The following CYP3A43 variants were observed in gnomAD, a reference collection of about 807,000 sequenced individuals.
The protein encoded by CYP3A43 is cytochrome P450 family 3 subfamily A member 43.
In CYP3A43, 45 loss-of-function variants were observed where a neutral mutation model predicts 58.0. The ratio of observed to expected loss-of-function variants is 0.78; its 90% confidence interval spans 0.61 to 0.99. The LOEUF (loss-of-function observed/expected upper bound fraction) is 0.99. Ranked by LOEUF, CYP3A43 falls within the 50% of genes least tolerant of loss-of-function variation. The pLI is 0.00. For synonymous variants in CYP3A43, 191 were observed against 201.4 expected (o/e 0.95, Z 0.44); for missense variants, 593 against 591.9 (o/e 1.00, Z -0.02).
chr7:99,862,355 C>T (rs1175052984), intron 11 of CYP3A43, among the ~76,000 whole-genome samples: 1 of 152,152 alleles, frequency 6.6e-6, no homozygotes, highest in African/African-American at 2.4e-5. Context: ...CGTAATGTAA[C>T]TGTGAAAGTG....
intron 2 of CYP3A43, among the ~76,000 whole-genome samples, chr7:99,837,249 G>A (rs948913574): frequency 3.3e-5 from 5 of 150,238 alleles, no homozygotes; most frequent in African/African-American, 1.2e-4. Context: ...AACCCGGGAG[G>A]CGGAGCTTGC....
At chr7:99,859,702 T>G (rs569847972) in intron 9 of CYP3A43, 128 bp from the exon 10 acceptor site, 2 of 1,200,644 alleles carry the variant, frequency 1.7e-6, no homozygotes, top group Non-Finnish European at 2.4e-6. Flanking sequence ...CCACCCGCAG[T>G]GTGACTCTGA....
chr7:99,829,918 A>G (rs1324123423), intron 1 of CYP3A43, among the ~76,000 whole-genome samples: 1 of 152,162 alleles, frequency 6.6e-6, no homozygotes, highest in Non-Finnish European at 1.5e-5. Context: ...TCCTCTCCAC[A>G]AGCATCAACT....
chr7:99,832,531 G>A (rs1302459006), intron 1 of CYP3A43, among the ~76,000 whole-genome samples: 1 of 130,472 alleles, frequency 7.7e-6, no homozygotes, highest in Non-Finnish European at 1.6e-5. Context: ...CACACACCGG[G>A]GACTGTTGTG....
chr7:99,842,487 C>T (rs1197497892), intron 3 of CYP3A43, among the ~76,000 whole-genome samples: 1 of 152,152 alleles, frequency 6.6e-6, no homozygotes, highest in Admixed American at 6.5e-5. Context: ...TCTATATTAA[C>T]TCTTGTACAA....
At position 99,848,183 on chromosome 7, in the gene CYP3A43, C is replaced by T. The variant is rs749780001; in HGVS notation, c.450C>T (p.Ser150=). 6 of 1,613,996 alleles carry T rather than the reference C, an allele frequency of 3.7e-6. No individual in the cohort carries two copies. Among genetic ancestry groups the T allele is most frequent in the African/African-American group, 2.7e-5 (2 of 74,920 alleles). Residue 150 remains serine, a synonymous_variant, in exon 6 of 13, where the codon TCC becomes TCT. Transcript: ENST00000354829. ...VKFKEMVPII[S]QCGDMLVRSL... is the part of the protein sequence containing the mutation. ...TGTTTTAGATGGTCCCCATCATTTCCCAATGTGGAGATATGTTGGTGAGAA... is the reference window on the plus strand; with the variant it reads ...TGTTTTAGATGGTCCCCATCATTTCTCAATGTGGAGATATGTTGGTGAGAA...
chr7:99,857,096 G>A (rs1460623444), intron 9 of CYP3A43, among the ~76,000 whole-genome samples, 197 bp downstream of exon 9: 1 of 152,180 alleles, frequency 6.6e-6, no homozygotes, highest in Non-Finnish European at 1.5e-5. Context: ...CAGGCTTGAA[G>A]GGCAACCCTG....
Position 99,861,744 on chromosome 7 carries a change from GT to G in CYP3A43, c.1160del (p.Phe387SerfsTer6). On this transcript the variant is annotated frameshift_variant, in exon 11 of 13. Transcript: ENST00000354829. LOFTEE classifies it high-confidence loss of function. Reference sequence around the variant, plus strand: ...AGAAAGATATTGAAATCAATGGAGTGTTCATTCCCAAAGGGTTAGCAGTGAT... The same window carrying G: ...AGAAAGATATTGAAATCAATGGAGTGTCATTCCCAAAGGGTTAGCAGTGAT... ...CKKDIEINGV[F>X]IPKGLAVMVP... 1 of 1,614,118 alleles carries G rather than the reference GT, an allele frequency of 6.2e-7. No individual in the cohort carries two copies. The highest frequency in any genetic ancestry group is 8.5e-7 in the Non-Finnish European group (1 of 1,180,012).
chr7:99,839,702 C>T (rs1000812314), intron 3 of CYP3A43, among the ~76,000 whole-genome samples: 3 of 152,030 alleles, frequency 2.0e-5, no homozygotes, highest in Non-Finnish European at 2.9e-5. Context: ...TCTCTCCTGC[C>T]GAGAGAGGGG....
chr7:99,857,453 T>A (rs568621955), intron 9 of CYP3A43, among the ~76,000 whole-genome samples: 1 of 152,180 alleles, frequency 6.6e-6, no homozygotes, highest in Non-Finnish European at 1.5e-5. Flanking sequence ...ATCATTACTA[T>A]GATGGTCGCA....
Position 99,857,124 on chromosome 7 carries a change from C to T in CYP3A43, c.865+225C>T, listed in dbSNP as rs113514897. Among the ~76,000 whole-genome samples, 510 of 152,230 alleles carry T rather than the reference C, an allele frequency of 3.4e-3. 4 individuals carry two copies. Among genetic ancestry groups the T allele is most frequent in the African/African-American group, 0.012 (480 of 41,530 alleles). On this transcript the variant is annotated intron_variant, in intron 9 of 12. Coordinates refer to ENST00000354829, the MANE Select transcript of CYP3A43 (RefSeq NM_057095.3). ...CAACCCTGAACAAGTGTGGCACTCC[C>T]GGAGGTCGGTCAGTGATCTGTGGAT...
In CYP3A43 at chr7:99,828,077, GA is replaced by G. The variant is rs772815209; in HGVS notation, c.-34del. ...AGCAAAGAGCAGCACACAGCTGAAA[GA>G]AAAACTCAGAAGACAGAGCTGAAAA... On this transcript the variant is annotated 5_prime_UTR_variant, in exon 1 of 13. It removes the in-frame stop codon of an upstream open reading frame in the 5' UTR. Coordinates refer to ENST00000354829, the MANE Select transcript of CYP3A43 (RefSeq NM_057095.3). The G allele has an allele frequency of 4.4e-6, 7 of 1,592,596 alleles. No individual in the cohort carries two copies. The East Asian group carries it at 1.6e-4, about 36-fold the overall frequency.
Position 99,844,180 on chromosome 7 carries a change from G to T in CYP3A43, c.256G>T (p.Asp86Tyr), listed in dbSNP as rs760774417. 3 of 1,613,892 alleles carry T rather than the reference G, an allele frequency of 1.9e-6. No homozygotes were observed. In the South Asian group the frequency reaches 3.3e-5, roughly 18 times the overall value. ...GCAACAGCCCATGCTGGTCATCATGGATCCCGACATGATCAAAACAGTGTT... is the reference window on the plus strand; with the variant it reads ...GCAACAGCCCATGCTGGTCATCATGTATCCCGACATGATCAAAACAGTGTT... ...EGQQPMLVIM[D>Y]PDMIKTVLVK... The change falls in exon 4 of 13, where the codon GAT (aspartate) becomes TAT (tyrosine). Residue 86 changes from aspartate (D) to tyrosine (Y), a missense_variant. Coordinates refer to ENST00000354829, the MANE Select transcript of CYP3A43 (RefSeq NM_057095.3).
At chr7:99,829,815 C>G (rs1816771663) in intron 1 of CYP3A43, among the ~76,000 whole-genome samples, 1 of 152,166 alleles carries the variant, frequency 6.6e-6, no homozygotes, top group Admixed American at 6.5e-5. Flanking sequence ...AAATGAGGCA[C>G]AGCTGTTTAA....
chr7:99,837,707 A>G (rs988041972), intron 2 of CYP3A43, among the ~76,000 whole-genome samples: 4 of 152,332 alleles, frequency 2.6e-5, no homozygotes, highest in Admixed American at 1.3e-4. Flanking sequence ...AATTTGACAA[A>G]CTTATTCAAA....
chr7:99,863,653 T>C lies in CYP3A43; in HGVS notation c.1370T>C (p.Ile457Thr). 1 of 1,613,562 alleles carries C rather than the reference T, an allele frequency of 6.2e-7. No individual in the cohort carries two copies. Among genetic ancestry groups the C allele is most frequent in the Non-Finnish European group, 8.5e-7 (1 of 1,179,812 alleles). ...CTCACAAACATAAAACTTGCTGTCA[T>C]TAGAGCACTGCAGAACTTCTCCTTC... Reference protein sequence around the residue: ...FALTNIKLAVIRALQNFSFKP... With the variant: ...FALTNIKLAVTRALQNFSFKP... The change falls in exon 12 of 13, where the codon ATT (isoleucine) becomes ACT (threonine). Residue 457 changes from isoleucine to threonine, a missense_variant. Physicochemically the swap from Ile to Thr is moderately conservative, Grantham distance 89. Coordinates refer to ENST00000354829, the MANE Select transcript of CYP3A43 (RefSeq NM_057095.3).
chr7:99,859,199 G>A (rs1818119031), intron 9 of CYP3A43, among the ~76,000 whole-genome samples: 1 of 152,156 alleles, frequency 6.6e-6, no homozygotes, highest in African/African-American at 2.4e-5. Flanking sequence ...TGAAAGTTCA[G>A]ATTTTGATTC....
chr7:99,844,338 T>C (rs1563063840), intron 4 of CYP3A43, 96 bp downstream of exon 4: 1 of 1,169,196 alleles, frequency 8.6e-7, no homozygotes, highest in African/African-American at 1.5e-5. Context: ...GGAAAGTGCT[T>C]TATACTTCGT....
intron 3 of CYP3A43, 126 bp downstream of exon 3, chr7:99,839,298 A>G: frequency 8.8e-7 from 1 of 1,139,476 alleles, no homozygotes; most frequent in South Asian, 1.3e-5. Flanking sequence ...TAACAAACAG[A>G]GAGAGGCTAT....
Sources: allele counts gnomAD v4.1 joint callset (sites outside exome capture counted in the v4.1 genomes callset), GRCh38; gene constraint gnomAD v4.1.1; transcripts MANE v1.5; gene names NCBI Gene and HGNC (gene_info 2026-07-23, HGNC 2026-07-21).